IRAK3: variants seen among roughly 807,000 people sequenced by gnomAD.
IRAK3 encodes the protein interleukin-1 receptor-associated kinase 3.
IRAK3 carries 57 observed loss-of-function variants against 56.6 expected under a neutral mutation model. The observed-to-expected ratio is 1.01, with a 90% CI of 0.81 to 1.26. The LOEUF (loss-of-function observed/expected upper bound fraction) is 1.26, where lower values mean the gene tolerates loss of function less well. Among genes scored for constraint, IRAK3 ranks in the 50% most tolerant of loss-of-function variants. The pLI, the probability that IRAK3 is intolerant of heterozygous loss-of-function variation, is 0.00. For synonymous variants in IRAK3, 258 were observed against 255.7 expected, an observed-to-expected ratio of 1.01 and a Z score of -0.09; for missense variants, 703 against 719.0, an observed-to-expected ratio of 0.98 and a Z score of 0.25.
At chr12:66,245,948 G>A (rs1160186489) in intron 11 of IRAK3, among the ~76,000 whole-genome samples, 1 of 151,904 alleles carries the variant, frequency 6.6e-6, no homozygotes, top group Non-Finnish European at 1.5e-5. Flanking sequence ...CCTACTCTGT[G>A]TGTGCCAGAC....
intron 6 of IRAK3, among the ~76,000 whole-genome samples, chr12:66,217,557 A>G (rs1379802088): frequency 6.6e-6 from 1 of 152,200 alleles, no homozygotes; most frequent in African/African-American, 2.4e-5. Flanking sequence ...CCTTCCTTAG[A>G]GAAATTCCAG....
rs771744892 is a variant in IRAK3, at chr12:66,228,380, T to C, written c.887+10T>C. 6.3e-7 allele frequency: 1 copy of C among 1,588,900 alleles called. No individual in the cohort carries two copies. The highest frequency in any genetic ancestry group is 8.6e-7 in the Non-Finnish European group (1 of 1,157,032). ...GTGGCAGTATATCAAGGTAAATTAT[T>C]CCAGAGCTTTTGGTTATACCTGAAA... is the stretch of plus-strand genomic sequence containing the variant. On this transcript the variant is annotated intron_variant, in intron 8 of 11. Transcript: ENST00000261233.
chr12:66,223,059 G>A (rs1470041076), intron 6 of IRAK3, among the ~76,000 whole-genome samples: 4 of 151,966 alleles, frequency 2.6e-5, no homozygotes, highest in African/African-American at 7.3e-5. Context: ...GGTGCTCAGT[G>A]GGGGAGCTTT....
intron 5 of IRAK3, among the ~76,000 whole-genome samples, chr12:66,212,923 C>T (rs2052626985): frequency 6.6e-6 from 1 of 152,020 alleles, no homozygotes; most frequent in Non-Finnish European, 1.5e-5. Context: ...GGACAAATAC[C>T]TAATGCATGC....
intron 6 of IRAK3, among the ~76,000 whole-genome samples, chr12:66,223,133 C>T (rs11465970): frequency 0.22 from 32,932 of 151,784 alleles, 4,217 homozygotes; most frequent in Middle Eastern, 0.33. Context: ...AGGCAAGGAC[C>T]GGCCATTTTC....
At chr12:66,213,374 A>G (rs1471287567) in intron 5 of IRAK3, among the ~76,000 whole-genome samples, 1 of 152,212 alleles carries the variant, frequency 6.6e-6, no homozygotes, top group African/African-American at 2.4e-5. Flanking sequence ...TCAGAAGTCT[A>G]TCTGAAAAGG....
chr12:66,244,868 C>A, intron 9 of IRAK3, 80 bp from the exon 10 acceptor site: 1 of 1,156,212 alleles, frequency 8.6e-7, no homozygotes, highest in Non-Finnish European at 1.3e-6. Context: ...GAACTATATT[C>A]ATAGTCATGG....
In IRAK3 at chr12:66,210,398, C is replaced by A. The variant is rs985179647; in HGVS notation, c.436+197C>A. Among the ~76,000 whole-genome samples, 3 of 151,712 alleles carry A rather than the reference C, an allele frequency of 2.0e-5. No individual in the cohort carries two copies. In the South Asian group the frequency reaches 6.3e-4, roughly 32 times the overall value. On this transcript the variant is annotated intron_variant, in intron 4 of 11. Coordinates refer to ENST00000261233, the MANE Select transcript of IRAK3 (RefSeq NM_007199.3). ...TAGATGATATGTTATTATGTTAAGG[C>A]TCCATTGGCTAATGAAGAATGCAAT...
Position 66,248,092 on chromosome 12 carries a change from C to T in IRAK3, c.1712C>T (p.Ser571Phe). 6.2e-7 allele frequency: 1 copy of T among 1,601,590 alleles called. No individual in the cohort carries two copies. Among genetic ancestry groups the T allele is most frequent in the Non-Finnish European group, 8.5e-7 (1 of 1,175,386 alleles). The change falls in exon 12 of 12, where the codon TCT becomes TTT. Residue 571 changes from serine to phenylalanine, a missense_variant. Ser to Phe is a radical substitution (Grantham distance 155). Coordinates refer to ENST00000261233, the MANE Select transcript of IRAK3 (RefSeq NM_007199.3). Reference protein sequence around the residue: ...IDPSSEAPGHSCRSRPVESSC... With the variant: ...IDPSSEAPGHFCRSRPVESSC... ...CCTTCTTCAGAAGCTCCAGGGCATTCTTGCAGGAGCAGGCCAGTGGAGAGC... is the reference window on the plus strand; with the variant it reads ...CCTTCTTCAGAAGCTCCAGGGCATTTTTGCAGGAGCAGGCCAGTGGAGAGC...
intron 11 of IRAK3, among the ~76,000 whole-genome samples, chr12:66,247,022 C>G (rs2053039900): frequency 6.6e-6 from 1 of 152,180 alleles, no homozygotes; most frequent in South Asian, 2.1e-4. Flanking sequence ...GTAATCCCAG[C>G]ACTTTGAGAG....
At chr12:66,199,908 A>G (rs1211809274) in intron 1 of IRAK3, among the ~76,000 whole-genome samples, 1 of 152,206 alleles carries the variant, frequency 6.6e-6, no homozygotes, top group Non-Finnish European at 1.5e-5. Flanking sequence ...TATCTAAAAC[A>G]TATATTGGCA....
intron 2 of IRAK3, among the ~76,000 whole-genome samples, chr12:66,207,483 A>C (rs1245531891): frequency 7.1e-6 from 1 of 141,840 alleles, no homozygotes; most frequent in Admixed American, 7.1e-5. Flanking sequence ...AAAAAAAAAA[A>C]CAAAAAACAG....
At chr12:66,193,249 G>A (rs193271847) in intron 1 of IRAK3, among the ~76,000 whole-genome samples, 2 of 152,182 alleles carry the variant, frequency 1.3e-5, no homozygotes, top group Admixed American at 1.3e-4. Context: ...CCGACCTCAG[G>A]TGATCTGCCT....
At chr12:66,207,945 A>G (rs1019377337) in intron 2 of IRAK3, among the ~76,000 whole-genome samples, 2 of 152,160 alleles carry the variant, frequency 1.3e-5, no homozygotes, top group Non-Finnish European at 1.5e-5. Flanking sequence ...GCCTAAGGTC[A>G]GGTCTGTTCT....
rs573543847 is a variant in IRAK3, at chr12:66,226,303, G to A, written c.654-420G>A. On this transcript the variant is annotated intron_variant, in intron 6 of 11. Transcript: ENST00000261233. Reference sequence around the variant, plus strand: ...GTCGCACAGGCTGGAGGGTAGTGGTGTGATCTTGGCTCACGGCAACCTCCG... The same window carrying A: ...GTCGCACAGGCTGGAGGGTAGTGGTATGATCTTGGCTCACGGCAACCTCCG... Among the ~76,000 whole-genome samples, 62 of 151,844 alleles carry A rather than the reference G, an allele frequency of 4.1e-4. 2 individuals carry two copies. In the South Asian group the frequency reaches 0.013, roughly 31 times the overall value.
At chr12:66,225,452 C>T (rs1348264846) in intron 6 of IRAK3, among the ~76,000 whole-genome samples, 7 of 151,876 alleles carry the variant, frequency 4.6e-5, no homozygotes, top group South Asian at 2.1e-4. Flanking sequence ...CCCCCTCCCC[C>T]GCCACGTACA....
rs1193833097 is a variant in IRAK3 at position 66,252,807 on chromosome 12, T to G, written c.*4636T>G. The G allele has an allele frequency of 2.0e-5, 3 of 152,274 alleles. No individual in the cohort carries two copies. Among genetic ancestry groups the G allele is most frequent in the Non-Finnish European group, 4.4e-5 (3 of 68,070 alleles). 9.4% of individuals were successfully genotyped at this position (152,274 alleles called of 1,614,324 possible). ...TCCCATGGTGGACCTCACTTTGCTATTCATATGCACTAAGTAGTTTATGGT... is the reference window on the plus strand; with the variant it reads ...TCCCATGGTGGACCTCACTTTGCTAGTCATATGCACTAAGTAGTTTATGGT... On this transcript the variant is annotated 3_prime_UTR_variant, in exon 12 of 12. Coordinates refer to ENST00000261233, the MANE Select transcript of IRAK3 (RefSeq NM_007199.3).
intron 8 of IRAK3, chr12:66,234,176 A>C (rs972718323): frequency 4.9e-5 from 79 of 1,614,010 alleles, no homozygotes; most frequent in Non-Finnish European, 6.3e-5. Flanking sequence ...TGTCGTCTGC[A>C]TATGTTCATA....
At chr12:66,243,136 T>A (rs1274564825) in intron 8 of IRAK3, among the ~76,000 whole-genome samples, 1 of 152,096 alleles carries the variant, frequency 6.6e-6, no homozygotes, top group African/African-American at 2.4e-5. Context: ...AGACAAAGTC[T>A]GGACTAGAAT....
Sources: gnomAD v4.1 joint callset for allele counts (sites outside exome capture counted in the v4.1 genomes callset) on GRCh38, gnomAD v4.1.1 for gene constraint, MANE v1.5 for transcripts, NCBI Gene and HGNC (gene_info 2026-07-23, HGNC 2026-07-21) for gene names.